SV2C: variants seen among roughly 807,000 people sequenced by gnomAD.
The protein encoded by SV2C is synaptic vesicle glycoprotein 2C, also known as solute carrier family 22 member B3.
In SV2C, 49 loss-of-function variants were observed where a neutral mutation model predicts 79.7. The observed-to-expected ratio is 0.61, with a 90% CI of 0.49 to 0.78. The LOEUF (loss-of-function observed/expected upper bound fraction) is 0.78, where lower values mean the gene tolerates loss of function less well. SV2C is among the 30% of genes least tolerant of loss of function. The probability of loss-of-function intolerance (pLI) is 0.00; values close to 1 mark genes in which losing one functional copy is unlikely to be tolerated. For synonymous variants in SV2C, 334 were observed against 333.2 expected (o/e 1.00, Z -0.03); for missense variants, 833 against 912.9 (o/e 0.91, Z 1.13).
the SV2C span, among the ~76,000 whole-genome samples, chr5:75,903,646 C>G: frequency 1.3e-5 from 2 of 152,152 alleles, no homozygotes; most frequent in African/African-American, 4.8e-5. Flanking sequence ...TGAGAACCAC[C>G]AACGATGAAG....
the SV2C span, among the ~76,000 whole-genome samples, chr5:75,969,765 G>A: frequency 2.6e-5 from 4 of 151,970 alleles, no homozygotes; most frequent in Non-Finnish European, 5.9e-5. Context: ...ACAGATCAAC[G>A]AGACAGAAAA....
At chr5:75,934,014 G>A in the SV2C span, among the ~76,000 whole-genome samples, 1 of 152,192 alleles carries the variant, frequency 6.6e-6, no homozygotes, top group African/African-American at 2.4e-5. Context: ...GACAGAGGCT[G>A]AGAACTTTAT....
At chr5:75,861,785 G>A in the SV2C span, among the ~76,000 whole-genome samples, 2 of 152,180 alleles carry the variant, frequency 1.3e-5, no homozygotes, top group South Asian at 2.1e-4. Context: ...GGGACATAAA[G>A]TTGGGAACAA....
At chr5:75,949,309 G>A in the SV2C span, among the ~76,000 whole-genome samples, 348 of 152,150 alleles carry the variant, frequency 2.3e-3, 2 homozygotes, top group African/African-American at 7.9e-3. Context: ...AGCAATGCAA[G>A]AATGGACTAG....
At chr5:76,233,734 G>C (rs1319922908) in intron 4 of SV2C, among the ~76,000 whole-genome samples, 1 of 150,762 alleles carries the variant, frequency 6.6e-6, no homozygotes, top group Non-Finnish European at 1.5e-5. Flanking sequence ...TTATATGCTG[G>C]ATTACATTTA....
chr5:76,232,475 G>A (rs991040841), intron 4 of SV2C, among the ~76,000 whole-genome samples: 2 of 146,028 alleles, frequency 1.4e-5, no homozygotes, highest in Non-Finnish European at 3.0e-5. Flanking sequence ...GGCTTTTGTT[G>A]CCATTGCTTT....
intron 2 of SV2C, among the ~76,000 whole-genome samples, chr5:76,181,859 GT>G (rs1361592417): frequency 2.0e-5 from 3 of 152,162 alleles, no homozygotes; most frequent in Non-Finnish European, 4.4e-5. Flanking sequence ...CTCATTGTCT[GT>G]ATAAGTAATT....
chr5:76,182,656 T>C (rs1445564677), intron 2 of SV2C, among the ~76,000 whole-genome samples: 3 of 152,224 alleles, frequency 2.0e-5, no homozygotes, highest in African/African-American at 7.2e-5. Flanking sequence ...CCTTAAATTT[T>C]GTGCTCCAGG....
At chr5:76,091,772 C>T (rs1017949598) in intron 1 of SV2C, 12 of 152,030 alleles carry the variant, frequency 7.9e-5, no homozygotes, top group African/African-American at 2.2e-4. Flanking sequence ...CCTGACCCTG[C>T]TCAGCTTCCA....
At chr5:76,017,284 G>GTGT in the SV2C span, among the ~76,000 whole-genome samples, 1 of 151,950 alleles carries the variant, frequency 6.6e-6, no homozygotes, top group Non-Finnish European at 1.5e-5. Flanking sequence ...TATCACTGAA[G>GTGT]TGTTGTTGTT....
intron 4 of SV2C, among the ~76,000 whole-genome samples, chr5:76,218,034 G>A (rs1029876935): frequency 2.6e-5 from 4 of 152,106 alleles, no homozygotes; most frequent in South Asian, 2.1e-4. Flanking sequence ...AAGCTCTATC[G>A]CAGCACCAAG....
intron 2 of SV2C, among the ~76,000 whole-genome samples, chr5:76,192,650 G>A (rs983598444): frequency 1.3e-5 from 2 of 152,166 alleles, no homozygotes; most frequent in African/African-American, 2.4e-5. Flanking sequence ...AACATTTAAA[G>A]GTTTGGCTTT....
At position 76,325,381 on chromosome 5, in the gene SV2C, T is replaced by G; in HGVS notation, c.2018T>G (p.Phe673Cys). 1 of 1,614,138 alleles carries G rather than the reference T, an allele frequency of 6.2e-7. No individual in the cohort carries two copies. Among genetic ancestry groups the G allele is most frequent in the Non-Finnish European group, 8.5e-7 (1 of 1,180,012 alleles). The change falls in exon 13 of 13, where the codon TTC becomes TGC. Residue 673 changes from phenylalanine (F) to cysteine (C), a missense_variant. Coordinates refer to ENST00000502798, the MANE Select transcript of SV2C (RefSeq NM_014979.4). ...CTTTGCAGGGCAACAGGCTTTGGCT[T>G]CTTAAATGCGCTATGCAAGGCAGCA... Reference protein sequence around the residue: ...PTDRRATGFGFLNALCKAAAV... With the variant: ...PTDRRATGFGCLNALCKAAAV...
chr5:76,049,394 A>G, the SV2C span, among the ~76,000 whole-genome samples: 8 of 152,116 alleles, frequency 5.3e-5, no homozygotes. Flanking sequence ...TTCAGCAAAT[A>G]TTTGATGAAT....
intron 2 of SV2C, among the ~76,000 whole-genome samples, chr5:76,185,676 C>T (rs540961302): frequency 6.6e-6 from 1 of 152,256 alleles, no homozygotes; most frequent in Non-Finnish European, 1.5e-5. Context: ...ATTCAGGGCA[C>T]CATGTTCCAA....
chr5:75,864,207 C>T, the SV2C span, among the ~76,000 whole-genome samples: 1 of 152,054 alleles, frequency 6.6e-6, no homozygotes, highest in Admixed American at 6.5e-5. Flanking sequence ...CTGATTTTCT[C>T]TTATCTTTTC....
intron 12 of SV2C, among the ~76,000 whole-genome samples, chr5:76,315,876 A>G (rs534587118): frequency 3.3e-5 from 5 of 152,338 alleles, no homozygotes; most frequent in African/African-American, 1.2e-4. Context: ...TGCTGGCCTC[A>G]GTATCCCCTG....
the SV2C span, among the ~76,000 whole-genome samples, chr5:76,071,074 T>C: frequency 6.6e-6 from 1 of 152,040 alleles, no homozygotes; most frequent in African/African-American, 2.4e-5. Flanking sequence ...GAGAAGGAGG[T>C]GGAAAAAGGG....
Position 76,204,879 on chromosome 5 carries a change from C to T in SV2C, c.762-4857C>T, listed in dbSNP as rs117554263. Among the ~76,000 whole-genome samples the T allele has an allele frequency of 2.1e-3, 317 of 152,300 alleles. 12 individuals carry two copies. In the East Asian group the frequency reaches 0.058, roughly 28 times the overall value. ...GAGGCGTGGCTGTGAAATTCACAGT[C>T]AGGCTTCCCAGTTTCCCAATGAGGT... On this transcript the variant is annotated intron_variant, in intron 3 of 12. Transcript: ENST00000502798.
Sources: allele counts gnomAD v4.1 joint callset (sites outside exome capture counted in the v4.1 genomes callset), GRCh38; gene constraint gnomAD v4.1.1; transcripts MANE v1.5; gene names NCBI Gene and HGNC (gene_info 2026-07-23, HGNC 2026-07-21).